TNRC6B: variants seen among roughly 807,000 people sequenced by gnomAD.
TNRC6B encodes trinucleotide repeat containing adaptor 6B.
Under a neutral mutation model 203.6 loss-of-function variants are expected in TNRC6B, and 52 were observed. The ratio of observed to expected loss-of-function variants is 0.26; its 90% CI spans 0.20 to 0.32. TNRC6B has a LOEUF of 0.32. TNRC6B is among the 10% of genes least tolerant of loss of function. The pLI is 1.00. For synonymous variants in TNRC6B, 838 were observed against 845.7 expected (o/e 0.99, Z 0.16); for missense variants, 1,923 against 2,286.2 (o/e 0.84, Z 3.24).
chr22:40,301,432 G>A, intron 15 of TNRC6B, 99 bp downstream of exon 15: 1 of 1,243,928 alleles, frequency 8.0e-7, no homozygotes, highest in Non-Finnish European at 1.1e-6. Context: ...TATGTCAGCT[G>A]TACAAGGTAG....
intron 22 of TNRC6B, 132 bp downstream of exon 22, chr22:40,321,361 A>G: frequency 1.8e-6 from 2 of 1,119,120 alleles, no homozygotes; most frequent in Non-Finnish European, 1.3e-6. Flanking sequence ...TGCATCTGCA[A>G]GTCTCGAGTG....
upstream of TNRC6B, among the ~76,000 whole-genome samples, chr22:40,175,082 G>A (rs1286969110): frequency 6.6e-6 from 1 of 152,008 alleles, no homozygotes; most frequent in Non-Finnish European, 1.5e-5. Flanking sequence ...TCAGTGGCCG[G>A]GCGCAGTGCC....
intron 1 of TNRC6B, among the ~76,000 whole-genome samples, chr22:40,186,477 C>T (rs570120183): frequency 2.0e-4 from 31 of 152,134 alleles, no homozygotes; most frequent in Non-Finnish European, 3.2e-4. Context: ...CGGTGGCTCA[C>T]ACCTGTAATC....
chr22:40,177,949 C>CAA lies in TNRC6B; in HGVS notation c.-186_-185dup. ...TAGAGACAGAGAGGGAGAGAGAGAG[C>CAA]AAGAGGGAGAGTGTGTGAGAGAGAG... On this transcript the variant is annotated 5_prime_UTR_variant, in exon 1 of 23. Coordinates refer to ENST00000454349, the MANE Select transcript of TNRC6B (RefSeq NM_001162501.2). The CAA allele has an allele frequency of 7.1e-7, 1 of 1,403,150 alleles. No homozygotes were observed. Among genetic ancestry groups the CAA allele is most frequent in the Non-Finnish European group, 9.2e-7 (1 of 1,083,536 alleles). 86.9% of individuals were successfully genotyped at this position (1,403,150 alleles called of 1,614,324 possible). A position where few individuals can be genotyped will look rare whatever the true frequency, so the allele number is the denominator to read the frequency against.
chr22:40,188,937 T>C (rs1024164272), intron 1 of TNRC6B, among the ~76,000 whole-genome samples: 3 of 152,176 alleles, frequency 2.0e-5, no homozygotes, highest in Non-Finnish European at 2.9e-5. Flanking sequence ...GATTTAATGA[T>C]CACTGAGGGT....
intron 1 of TNRC6B, among the ~76,000 whole-genome samples, chr22:40,207,697 A>T (rs1319814715): frequency 2.0e-5 from 3 of 152,086 alleles, no homozygotes; most frequent in African/African-American, 4.8e-5. Context: ...CAGTAGAGAA[A>T]ATCCAAATGG....
chr22:40,240,546 A>T lies in TNRC6B; in HGVS notation c.6-5469A>T, dbSNP rs899516570. Among the ~76,000 whole-genome samples, 3 of 152,214 alleles carry T rather than the reference A, an allele frequency of 2.0e-5. No homozygotes were observed. The South Asian group carries it at 6.2e-4, about 32-fold the overall frequency. Reference sequence around the variant, plus strand: ...CCATATGTACCTGGAAGCTGGGTGCACCTATAAACTATTCTTGGCACAAAG... The same window carrying T: ...CCATATGTACCTGGAAGCTGGGTGCTCCTATAAACTATTCTTGGCACAAAG... On this transcript the variant is annotated intron_variant, in intron 1 of 22. Transcript: ENST00000454349.
At chr22:40,141,118 T>G (rs1042902515) in intron 3 of TNRC6B, among the ~76,000 whole-genome samples, 5 of 151,104 alleles carry the variant, frequency 3.3e-5, no homozygotes, top group Non-Finnish European at 5.9e-5. Flanking sequence ...CAAATTTCTC[T>G]CTCTCTACTT....
chr22:40,120,202 A>G (rs1370222081), intron 2 of TNRC6B, among the ~76,000 whole-genome samples: 1 of 152,078 alleles, frequency 6.6e-6, no homozygotes, highest in African/African-American at 2.4e-5. Context: ...TACCATAAAT[A>G]CAAAAATTAG....
At chr22:40,300,755 G>C in intron 13 of TNRC6B, 155 bp from the exon 14 acceptor site, 1 of 1,228,918 alleles carries the variant, frequency 8.1e-7, no homozygotes, top group South Asian at 1.6e-5. Context: ...TCAACTGGAG[G>C]AAAATGTAAC....
chr22:40,310,324 ACT>A (rs2071157910), intron 16 of TNRC6B, among the ~76,000 whole-genome samples: 1 of 152,058 alleles, frequency 6.6e-6, no homozygotes, highest in African/African-American at 2.4e-5. Context: ...CCTCCAATGG[ACT>A]CTCTGTTTAC....
At chr22:40,167,225 C>G (rs971088935) in intron 4 of TNRC6B, among the ~76,000 whole-genome samples, 1 of 152,122 alleles carries the variant, frequency 6.6e-6, no homozygotes, top group Non-Finnish European at 1.5e-5. Context: ...ACAAAAGTAT[C>G]CTCAACTTAA....
intron 1 of TNRC6B, among the ~76,000 whole-genome samples, chr22:40,062,340 A>G (rs1484147717): frequency 6.6e-6 from 1 of 151,958 alleles, no homozygotes; most frequent in African/African-American, 2.4e-5. Context: ...AGCTGGGATT[A>G]CAGACGTCCA....
chr22:40,215,684 T>C (rs2069625522), intron 1 of TNRC6B, among the ~76,000 whole-genome samples: 1 of 152,248 alleles, frequency 6.6e-6, no homozygotes, highest in African/African-American at 2.4e-5. Context: ...CCCACCTCTA[T>C]AGTACCTTAG....
chr22:40,200,762 A>G (rs1397308830), intron 1 of TNRC6B, among the ~76,000 whole-genome samples: 2 of 152,156 alleles, frequency 1.3e-5, no homozygotes, highest in Non-Finnish European at 2.9e-5. Context: ...GCACAGGCAC[A>G]CTGTATTCCT....
intron 1 of TNRC6B, among the ~76,000 whole-genome samples, chr22:40,104,967 G>A (rs1270967816): frequency 6.6e-6 from 1 of 152,198 alleles, no homozygotes; most frequent in Admixed American, 6.5e-5. Context: ...TCAGAGGAGA[G>A]GCACCCAAGC....
chr22:40,114,498 T>C (rs1207520737), intron 1 of TNRC6B, among the ~76,000 whole-genome samples: 2 of 152,116 alleles, frequency 1.3e-5, no homozygotes, highest in East Asian at 3.9e-4. Flanking sequence ...TTTTTTACAT[T>C]TTTTTGTAGA....
chr22:40,318,403 C>T (rs894046171), intron 21 of TNRC6B, among the ~76,000 whole-genome samples: 13 of 151,924 alleles, frequency 8.6e-5, no homozygotes, highest in African/African-American at 2.4e-4. Flanking sequence ...AAAAATTAGC[C>T]GGGTGTGGTG....
chr22:40,270,053 T>C (rs2070537588), intron 5 of TNRC6B, 69 bp from the exon 6 acceptor site: 1 of 1,495,398 alleles, frequency 6.7e-7, no homozygotes. Flanking sequence ...TCCTTCCACC[T>C]TCACCCCACT....
Sources: gnomAD v4.1 joint callset for allele counts (sites outside exome capture counted in the v4.1 genomes callset) on GRCh38, gnomAD v4.1.1 for gene constraint, MANE v1.5 for transcripts, NCBI Gene and HGNC (gene_info 2026-07-23, HGNC 2026-07-21) for gene names.